USP15: variants seen among roughly 807,000 people sequenced by gnomAD.
USP15 encodes the protein ubiquitin specific peptidase 15.
USP15 carries 18 observed loss-of-function variants against 127.1 expected under a neutral mutation model. The ratio of observed to expected loss-of-function variants is 0.14; its 90% confidence interval spans 0.10 to 0.21. The LOEUF is 0.21. Ranked by LOEUF, USP15 falls within the 10% of genes least tolerant of loss-of-function variation. The pLI, the probability that USP15 is intolerant of heterozygous loss-of-function variation, is 1.00. For missense variants in USP15, 805 were observed against 1,159.9 expected (o/e 0.69, Z 4.44); for synonymous variants, 364 against 393.7 (o/e 0.92, Z 0.89).
In USP15 at chr12:62,392,320, T is replaced by A; in HGVS notation, c.2353T>A (p.Phe785Ile). Residue 785 changes from phenylalanine (F) to isoleucine (I), a missense_variant, in exon 18 of 22, where the codon TTT (phenylalanine) becomes ATT (isoleucine). By Grantham distance (21) the Phe-to-Ile change is conservative. Around this residue, in one of 11 missense-constraint regions of USP15, gnomAD observed 225 missense variants for 239.5 expected, o/e 0.94. Transcript: ENST00000280377. The part of the protein sequence containing the change: ...SVEYKPPKKP[F>I]VKLKDCIELF... The stretch of plus-strand genomic sequence containing the variant: ...GGAGTATAAACCTCCTAAAAAACCC[T>A]TTGTGAAATTAAAAGATTGCATTGA... 6.8e-6 allele frequency: 11 copies of A among 1,608,704 alleles called. No homozygotes were observed. The highest frequency in any genetic ancestry group is 9.3e-6 in the Non-Finnish European group (11 of 1,178,246).
Position 62,261,365 on chromosome 12 carries a change from T to C in USP15, c.89+862T>C, listed in dbSNP as rs539354230. Among the ~76,000 whole-genome samples the C allele has an allele frequency of 1.1e-4, 16 of 152,358 alleles. No homozygotes were observed. In the East Asian group the frequency reaches 3.1e-3, roughly 29 times the overall value. Reference sequence around the variant, plus strand: ...AGTGGCATCTACAATAACTTAAATATGTGAATATGTAACATAATTTAAAAT... The same window carrying C: ...AGTGGCATCTACAATAACTTAAATACGTGAATATGTAACATAATTTAAAAT... On this transcript the variant is annotated intron_variant, in intron 1 of 21. Transcript: ENST00000280377.
intron 4 of USP15, chr12:62,315,152 AATT>A (rs2064796622): frequency 3.5e-6 from 1 of 286,168 alleles, no homozygotes; most frequent in Non-Finnish European, 6.3e-6. Context: ...AACATCAAAT[AATT>A]ATTGTTTTTA....
chr12:62,270,443 A>G (rs1074956), intron 1 of USP15, among the ~76,000 whole-genome samples: 12,654 of 152,132 alleles, frequency 0.083, 617 homozygotes, highest in Middle Eastern at 0.16. Context: ...GCTTAACTCA[A>G]GGTCATGAGG....
At chr12:62,365,144 C>T (rs1220704519) in intron 8 of USP15, among the ~76,000 whole-genome samples, 1 of 152,184 alleles carries the variant, frequency 6.6e-6, no homozygotes, top group Non-Finnish European at 1.5e-5. Context: ...CTGTCTTCCA[C>T]AGTGGTTGAA....
At chr12:62,331,092 C>A (rs2065284685) in intron 6 of USP15, among the ~76,000 whole-genome samples, 1 of 152,052 alleles carries the variant, frequency 6.6e-6, no homozygotes, top group Admixed American at 6.5e-5. Flanking sequence ...CTCACATTTG[C>A]CAGAAGACAA....
At chr12:62,271,275 A>G (rs751173332) in intron 1 of USP15, among the ~76,000 whole-genome samples, 1 of 152,062 alleles carries the variant, frequency 6.6e-6, no homozygotes, top group Non-Finnish European at 1.5e-5. Flanking sequence ...ATTATTTATG[A>G]GTCTTTGTGG....
intron 19 of USP15, 80 bp downstream of exon 19, chr12:62,393,282 G>T: frequency 6.6e-7 from 1 of 1,510,190 alleles, no homozygotes; most frequent in South Asian, 1.3e-5. Flanking sequence ...TTATCCTTTA[G>T]TAAACATCAG....
At chr12:62,271,027 TCC>T in intron 1 of USP15, among the ~76,000 whole-genome samples, 1 of 151,952 alleles carries the variant, frequency 6.6e-6, no homozygotes, top group Non-Finnish European at 1.5e-5. Flanking sequence ...TCTCTTCCAC[TCC>T]TAATCTCATG....
chr12:62,328,324 A>G (rs375330333), intron 6 of USP15: 42 of 453,934 alleles, frequency 9.3e-5, no homozygotes, highest in African/African-American at 7.6e-4. Context: ...TGTCATAACT[A>G]TAACTGCTGA....
chr12:62,402,269 A>G (rs1365731958), intron 21 of USP15, among the ~76,000 whole-genome samples: 1 of 152,036 alleles, frequency 6.6e-6, no homozygotes, highest in Non-Finnish European at 1.5e-5. Flanking sequence ...GATACACAAA[A>G]GACTCCATTC....
intron 7 of USP15, among the ~76,000 whole-genome samples, chr12:62,353,930 GATTAAT>G (rs2066040070): frequency 6.6e-6 from 1 of 152,014 alleles, no homozygotes; most frequent in Non-Finnish European, 1.5e-5. Flanking sequence ...AATTTGAATT[GATTAAT>G]GTTACATTTC....
intron 6 of USP15, among the ~76,000 whole-genome samples, chr12:62,332,129 A>G (rs984818941): frequency 2.6e-5 from 4 of 151,436 alleles, no homozygotes; most frequent in African/African-American, 9.7e-5. Context: ...GCGCCAGTGC[A>G]CTCCACTTTG....
chr12:62,365,728 T>C (rs1344317679), intron 8 of USP15, among the ~76,000 whole-genome samples: 1 of 152,222 alleles, frequency 6.6e-6, no homozygotes, highest in Non-Finnish European at 1.5e-5. Context: ...TTGATTTTTG[T>C]ATAAGTTGTA....
In USP15 at chr12:62,403,785, T is replaced by C. The variant is rs1326950951; in HGVS notation, c.2764-408T>C. Among the ~76,000 whole-genome samples the C allele has an allele frequency of 2.0e-5, 3 of 152,110 alleles. No individual in the cohort carries two copies. The East Asian group carries it at 5.8e-4, about 29-fold the overall frequency. Reference sequence around the variant, plus strand: ...GATTGATGGAACAGCATCCTTAAGATGGTAGGAAAAGTTGGACTCTACAGC... The same window carrying C: ...GATTGATGGAACAGCATCCTTAAGACGGTAGGAAAAGTTGGACTCTACAGC... On this transcript the variant is annotated intron_variant, in intron 21 of 21. Transcript: ENST00000280377.
At chr12:62,294,020 AGTCTT>A (rs766530095) in intron 1 of USP15, among the ~76,000 whole-genome samples, 154 bp from the exon 2 acceptor site, 4 of 152,218 alleles carry the variant, frequency 2.6e-5, no homozygotes, top group Non-Finnish European at 5.9e-5. Flanking sequence ...ATACAAATGA[AGTCTT>A]GTCTTTCTAA....
intron 1 of USP15, among the ~76,000 whole-genome samples, chr12:62,289,983 T>G (rs948329326): frequency 6.6e-5 from 10 of 151,856 alleles, no homozygotes; most frequent in African/African-American, 2.4e-4. Context: ...ATACTTGATA[T>G]GATTTCAATT....
chr12:62,362,262 A>C (rs2066341932), intron 8 of USP15, among the ~76,000 whole-genome samples: 1 of 152,144 alleles, frequency 6.6e-6, no homozygotes, highest in African/African-American at 2.4e-5. Context: ...ACAATTTGCC[A>C]GTTTAACCAT....
chr12:62,312,082 C>T (rs1218582608), intron 3 of USP15, among the ~76,000 whole-genome samples: 9 of 151,686 alleles, frequency 5.9e-5, no homozygotes, highest in African/African-American at 2.2e-4. Flanking sequence ...TCTCTGTCTT[C>T]ACCGTTATCT....
chr12:62,367,025 T>A (rs141656543), intron 8 of USP15, among the ~76,000 whole-genome samples: 2,309 of 152,208 alleles, frequency 0.015, 33 homozygotes, highest in Non-Finnish European at 0.026. Context: ...TTTTGTTGTG[T>A]CTCTGCCAGG....
Sources: allele counts gnomAD v4.1 joint callset (sites outside exome capture counted in the v4.1 genomes callset), GRCh38; gene constraint gnomAD v4.1.1; regional missense constraint gnomAD v4.1.1; transcripts MANE v1.5; gene names NCBI Gene and HGNC (gene_info 2026-07-23, HGNC 2026-07-21).